PTPRM: variants seen among roughly 807,000 people sequenced by gnomAD.
PTPRM encodes the protein protein tyrosine phosphatase receptor type M.
A neutral mutation model predicts 186.7 loss-of-function variants in PTPRM; 47 were observed. That is an observed-to-expected ratio of 0.25 (90% CI 0.20 to 0.32). The LOEUF (loss-of-function observed/expected upper bound fraction) is 0.32, where lower values mean the gene tolerates loss of function less well. PTPRM is among the 10% of genes least tolerant of loss of function. PTPRM has a pLI of 1.00. For synonymous variants in PTPRM, 668 were observed against 674.9 expected (o/e 0.99, Z 0.16); for missense variants, 1,494 against 1,865.0 (o/e 0.80, Z 3.66).
chr18:8,164,840 G>T (rs1467390972), intron 14 of PTPRM, among the ~76,000 whole-genome samples: 1 of 152,100 alleles, frequency 6.6e-6, no homozygotes, highest in East Asian at 1.9e-4. Context: ...TAGTTAAAAT[G>T]GTAAATTTTA....
At chr18:7,691,373 C>A (rs775094187) in intron 1 of PTPRM, among the ~76,000 whole-genome samples, 3 of 152,164 alleles carry the variant, frequency 2.0e-5, no homozygotes, top group Non-Finnish European at 2.9e-5. Context: ...TTTGAGGAGA[C>A]ACCATGTCTT....
chr18:7,682,881 A>G (rs1160478472), intron 1 of PTPRM, among the ~76,000 whole-genome samples: 1 of 152,094 alleles, frequency 6.6e-6, no homozygotes, highest in Admixed American at 6.5e-5. Context: ...TGAGACTGAA[A>G]CCTACTCTGG....
chr18:7,666,667 C>G (rs756478471), intron 1 of PTPRM, among the ~76,000 whole-genome samples: 7 of 152,220 alleles, frequency 4.6e-5, no homozygotes, highest in Non-Finnish European at 8.8e-5. Flanking sequence ...ATCAGGAATA[C>G]AGTCTTCAGA....
chr18:8,085,589 A>G (rs997247148), intron 9 of PTPRM, 82 bp from the exon 10 acceptor site: 5 of 1,197,774 alleles, frequency 4.2e-6, no homozygotes, highest in Non-Finnish European at 2.5e-6. Flanking sequence ...GACAGTGCAT[A>G]CATCAGAAGG....
At chr18:7,614,008 G>T (rs2037743031) in intron 1 of PTPRM, among the ~76,000 whole-genome samples, 1 of 152,134 alleles carries the variant, frequency 6.6e-6, no homozygotes, top group East Asian at 1.9e-4. Flanking sequence ...CTTAGTGGGG[G>T]GATTGCTGAT....
chr18:7,955,108 G>T lies in PTPRM; in HGVS notation c.839-13G>T, dbSNP rs1278656936. ...AAAGCATCTGAAAGACAGCTTTCTG[G>T]TTTGTCTTTCAGAACCACCCGTTCC... is the stretch of plus-strand genomic sequence containing the variant. On this transcript the variant is annotated splice_polypyrimidine_tract_variant and intron_variant, in intron 6 of 32. Transcript: ENST00000580170. The T allele has an allele frequency of 1.9e-6, 3 of 1,580,182 alleles. No individual in the cohort carries two copies. The highest frequency in any genetic ancestry group is 2.7e-5 in the African/African-American group (2 of 73,974).
rs1401197996 is a variant in PTPRM at position 8,247,846 on chromosome 18, T to C, written c.2454T>C (p.Ser818=). Residue 818 remains serine (S), a splice_region_variant and synonymous_variant, in exon 16 of 33, where the codon TCT becomes TCC. Coordinates refer to ENST00000580170, the MANE Select transcript of PTPRM (RefSeq NM_001105244.2). ...GACCAGCCTCTCTTTTATTTACAGC[T>C]GTGTCTTCACCATCGTCCTTCACAA... is the stretch of plus-strand genomic sequence containing the variant. ...FMDTHNLNGR[S]VSSPSSFTMK... The C allele has an allele frequency of 1.3e-6, 2 of 1,592,938 alleles. No individual in the cohort carries two copies. Among genetic ancestry groups the C allele is most frequent in the Admixed American group, 1.7e-5 (1 of 59,976 alleles).
chr18:8,296,309 G>T (rs529115865), intron 19 of PTPRM, 59 bp from the exon 20 acceptor site: 35 of 1,090,798 alleles, frequency 3.2e-5, no homozygotes, highest in Non-Finnish European at 5.0e-5. Context: ...ATCCTCCATC[G>T]TTAAGATCCC....
intron 7 of PTPRM, among the ~76,000 whole-genome samples, chr18:7,972,188 A>G (rs2054569045): frequency 7.7e-6 from 1 of 129,878 alleles, no homozygotes; most frequent in Admixed American, 7.4e-5. Flanking sequence ...GGAAACCATC[A>G]TTCTCAGTAA....
chr18:7,805,129 A>G (rs1019704247), intron 2 of PTPRM, among the ~76,000 whole-genome samples: 1 of 152,230 alleles, frequency 6.6e-6, no homozygotes. Context: ...GCTGCTGTTT[A>G]CTACTCAGCC....
Position 7,713,801 on chromosome 18 carries a change from G to T in PTPRM, c.74-60348G>T, listed in dbSNP as rs7239716. Among the ~76,000 whole-genome samples the T allele has an allele frequency of 2.6e-5, 4 of 151,904 alleles. 1 individual carries two copies. In the East Asian group the frequency reaches 7.7e-4, roughly 29 times the overall value. On this transcript the variant is annotated intron_variant, in intron 1 of 32. Coordinates refer to ENST00000580170, the MANE Select transcript of PTPRM (RefSeq NM_001105244.2). ...CGAAGGGCATTACATAATGGTAAAGGTATCAATGCAACAAGAAGAGCTAAC... is the reference window on the plus strand; with the variant it reads ...CGAAGGGCATTACATAATGGTAAAGTTATCAATGCAACAAGAAGAGCTAAC...
chr18:7,685,367 T>C (rs2144604205), intron 1 of PTPRM, among the ~76,000 whole-genome samples: 1 of 152,326 alleles, frequency 6.6e-6, no homozygotes, highest in Admixed American at 6.5e-5. Context: ...TCATTGTATC[T>C]TGATGCCCCG....
intron 1 of PTPRM, among the ~76,000 whole-genome samples, chr18:7,637,591 A>T (rs1010681625): frequency 2.0e-5 from 3 of 152,130 alleles, no homozygotes; most frequent in African/African-American, 7.2e-5. Context: ...TGCATTCCTC[A>T]TGGTATGTTT....
intron 11 of PTPRM, among the ~76,000 whole-genome samples, chr18:8,094,886 G>A (rs1193456499): frequency 1.3e-5 from 2 of 152,120 alleles, no homozygotes; most frequent in African/African-American, 2.4e-5. Context: ...GACACATTTT[G>A]AAATTAGATA....
intron 22 of PTPRM, among the ~76,000 whole-genome samples, chr18:8,336,695 A>AGGGAAG (rs75854898): frequency 1 from 150,835 of 150,918 alleles, 75,376 homozygotes; most frequent in Middle Eastern, 1. Flanking sequence ...AGAGAGGGGA[A>AGGGAAG]GGAAAGGGAA....
chr18:7,783,718 C>T (rs1487224335), intron 2 of PTPRM, among the ~76,000 whole-genome samples: 1 of 151,068 alleles, frequency 6.6e-6, no homozygotes, highest in Non-Finnish European at 1.5e-5. Context: ...ACTATAGGTG[C>T]ATGCCACCAT....
At chr18:8,166,739 T>C (rs2093329429) in intron 14 of PTPRM, among the ~76,000 whole-genome samples, 1 of 152,310 alleles carries the variant, frequency 6.6e-6, no homozygotes, top group Admixed American at 6.5e-5. Flanking sequence ...TGTTGTCCTG[T>C]TTTACACTCA....
Position 7,798,042 on chromosome 18 carries a change from G to A in PTPRM, c.196+23771G>A, listed in dbSNP as rs576993428. Among the ~76,000 whole-genome samples the A allele has an allele frequency of 2.0e-5, 3 of 152,252 alleles. No homozygotes were observed. In the South Asian group the frequency reaches 6.2e-4, roughly 32 times the overall value. ...ATTAGATTAATTAATTAGGTCTTGT[G>A]GTCTGCTGGTGATAGGTACCCTAGG... On this transcript the variant is annotated intron_variant, in intron 2 of 32. Coordinates refer to ENST00000580170, the MANE Select transcript of PTPRM (RefSeq NM_001105244.2).
chr18:8,164,296 G>A (rs2093282547), intron 14 of PTPRM, among the ~76,000 whole-genome samples: 1 of 151,986 alleles, frequency 6.6e-6, no homozygotes. Context: ...TTCTATGCTG[G>A]GACCCAAAAA....
Sources: gnomAD v4.1 joint callset for allele counts (sites outside exome capture counted in the v4.1 genomes callset) on GRCh38, gnomAD v4.1.1 for gene constraint, MANE v1.5 for transcripts, NCBI Gene and HGNC (gene_info 2026-07-23, HGNC 2026-07-21) for gene names.